GRB10: variants seen among roughly 807,000 people sequenced by gnomAD.
The protein encoded by GRB10 is growth factor receptor bound protein 10.
In GRB10, 20 loss-of-function variants were observed where a neutral mutation model predicts 80.9. The observed-to-expected ratio is 0.25, with a 90% CI of 0.17 to 0.36. The LOEUF (loss-of-function observed/expected upper bound fraction) is 0.36, where lower values mean the gene tolerates loss of function less well. GRB10 is among the 10% of genes least tolerant of loss of function. The pLI, the probability that GRB10 is intolerant of heterozygous loss-of-function variation, is 1.00. For synonymous variants in GRB10, 291 were observed against 291.5 expected (o/e 1.00, Z 0.02); for missense variants, 548 against 747.7 (o/e 0.73, Z 3.12).
intron 2 of GRB10, among the ~76,000 whole-genome samples, chr7:50,770,840 C>T (rs1052623165): frequency 1.3e-5 from 2 of 151,944 alleles, no homozygotes; most frequent in Non-Finnish European, 2.9e-5. Context: ...ATTCTTTTTA[C>T]ATGGAGAAAA....
Position 50,605,335 on chromosome 7 carries a change from C to G in GRB10, c.1344G>C (p.Pro448=). 1 of 1,614,198 alleles carries G rather than the reference C, an allele frequency of 6.2e-7. No homozygotes were observed. The highest frequency in any genetic ancestry group is 8.5e-7 in the Non-Finnish European group (1 of 1,180,046). Residue 448 remains proline, a synonymous_variant, in exon 15 of 19, where the codon CCG becomes CCC. Coordinates refer to ENST00000401949, the MANE Select transcript of GRB10 (RefSeq NM_001350814.2). Reference sequence around the variant, plus strand: ...CCAGGGCTGCGCTCTGGGCCTCTGCCGGATTCTCTATCACGCGTCCTGTTT... The same window carrying G: ...CCAGGGCTGCGCTCTGGGCCTCTGCGGGATTCTCTATCACGCGTCCTGTTT... The part of the protein sequence containing the change: ...SGQTGRVIEN[P]AEAQSAALEE...
chr7:50,611,285 G>A (rs2049484451), intron 13 of GRB10, among the ~76,000 whole-genome samples: 1 of 151,948 alleles, frequency 6.6e-6, no homozygotes, highest in Admixed American at 6.6e-5. Context: ...TAATTTTTCC[G>A]CAACAGGACA....
At chr7:50,694,924 T>C (rs2063262168) in intron 5 of GRB10, among the ~76,000 whole-genome samples, 1 of 152,140 alleles carries the variant, frequency 6.6e-6, no homozygotes, top group South Asian at 2.1e-4. Context: ...AGACTGTCAA[T>C]CTCTAAAAAC....
At chr7:50,765,217 T>G (rs771172783) in intron 2 of GRB10, among the ~76,000 whole-genome samples, 2 of 152,190 alleles carry the variant, frequency 1.3e-5, no homozygotes, top group Admixed American at 6.5e-5. Context: ...ACTCTGCCGG[T>G]GGGAATGTAA....
At chr7:50,665,393 T>C (rs1026186874) in intron 7 of GRB10, among the ~76,000 whole-genome samples, 1 of 152,246 alleles carries the variant, frequency 6.6e-6, no homozygotes, top group Non-Finnish European at 1.5e-5. Context: ...CCAAGAAGTC[T>C]AGAAAGACAA....
intron 10 of GRB10, among the ~76,000 whole-genome samples, chr7:50,617,351 T>C (rs2050835650): frequency 6.6e-6 from 1 of 152,222 alleles, no homozygotes; most frequent in African/African-American, 2.4e-5. Flanking sequence ...TTACATGTAA[T>C]GTCACCTGGA....
At chr7:50,770,427 G>A (rs1014116180) in intron 2 of GRB10, among the ~76,000 whole-genome samples, 1 of 152,172 alleles carries the variant, frequency 6.6e-6, no homozygotes, top group Non-Finnish European at 1.5e-5. Flanking sequence ...ATTCAGTGAG[G>A]GGGTGTTGCA....
intron 3 of GRB10, among the ~76,000 whole-genome samples, chr7:50,741,560 A>C (rs1387415623): frequency 6.6e-6 from 1 of 151,142 alleles, no homozygotes; most frequent in Admixed American, 6.6e-5. Context: ...TTAAAAAAAA[A>C]AAAAAAAAAA....
At chr7:50,651,261 C>G (rs927883291) in intron 7 of GRB10, among the ~76,000 whole-genome samples, 1 of 152,222 alleles carries the variant, frequency 6.6e-6, no homozygotes, top group Non-Finnish European at 1.5e-5. Flanking sequence ...TTTCGCAGAA[C>G]AGAAATCCAT....
At chr7:50,645,651 A>T (rs1385115367) in intron 7 of GRB10, 13 of 985,108 alleles carry the variant, frequency 1.3e-5, no homozygotes, top group Non-Finnish European at 1.6e-5. Context: ...CTCCAGGCAG[A>T]TCTGAAAGCA....
At chr7:50,770,894 A>T (rs886938472) in intron 2 of GRB10, among the ~76,000 whole-genome samples, 1 of 152,176 alleles carries the variant, frequency 6.6e-6, no homozygotes, top group African/African-American at 2.4e-5. Flanking sequence ...AGTAAATTTC[A>T]ATATATACAG....
intron 5 of GRB10, among the ~76,000 whole-genome samples, chr7:50,697,086 A>T (rs2063526027): frequency 6.6e-6 from 1 of 152,244 alleles, no homozygotes; most frequent in African/African-American, 2.4e-5. Context: ...TCCCACTTAC[A>T]TGAGGTACTA....
chr7:50,600,882 C>T (rs2047478163), intron 17 of GRB10, among the ~76,000 whole-genome samples: 1 of 152,216 alleles, frequency 6.6e-6, no homozygotes, highest in African/African-American at 2.4e-5. Flanking sequence ...TGCCCTTCCA[C>T]CCCACAGCCC....
At chr7:50,688,503 T>A (rs1172874534) in intron 5 of GRB10, among the ~76,000 whole-genome samples, 1 of 152,130 alleles carries the variant, frequency 6.6e-6, no homozygotes, top group Non-Finnish European at 1.5e-5. Context: ...AAATCATTCC[T>A]GGCTAGGGGC....
intron 13 of GRB10, among the ~76,000 whole-genome samples, chr7:50,608,065 A>G (rs1318839764): frequency 6.6e-6 from 1 of 152,232 alleles, no homozygotes; most frequent in Non-Finnish European, 1.5e-5. Flanking sequence ...AGAACAGGTC[A>G]GGGGAAATAT....
At chr7:50,664,505 C>T (rs1586585711) in intron 7 of GRB10, among the ~76,000 whole-genome samples, 1 of 152,324 alleles carries the variant, frequency 6.6e-6, no homozygotes, top group East Asian at 1.9e-4. Context: ...GGTATTTACC[C>T]AGGATTGTCT....
At chr7:50,713,536 TCTG>T (rs1211874669) in intron 4 of GRB10, among the ~76,000 whole-genome samples, 110 of 130,660 alleles carry the variant, frequency 8.4e-4, no homozygotes, top group African/African-American at 2.9e-3. Context: ...CTCCACCTCC[TCTG>T]CTACCTCTAT....
At chr7:50,688,453 G>A (rs890551038) in intron 5 of GRB10, among the ~76,000 whole-genome samples, 4 of 152,126 alleles carry the variant, frequency 2.6e-5, no homozygotes, top group African/African-American at 9.7e-5. Context: ...TCTTTGTCAG[G>A]ACCAAAGAAT....
chr7:50,721,157 C>G (rs771507974), intron 4 of GRB10, among the ~76,000 whole-genome samples: 5 of 152,254 alleles, frequency 3.3e-5, no homozygotes, highest in Admixed American at 6.5e-5. Context: ...TAGTCCCCCC[C>G]TTATCCTGGT....
Sources: gnomAD v4.1 joint callset for allele counts (sites outside exome capture counted in the v4.1 genomes callset) on GRCh38, gnomAD v4.1.1 for gene constraint, MANE v1.5 for transcripts, NCBI Gene and HGNC (gene_info 2026-07-23, HGNC 2026-07-21) for gene names.